Variants in VWA3A observed in about 807,000 individuals in gnomAD.
VWA3A encodes von Willebrand factor A domain containing 3A.
Under a neutral mutation model 160.4 loss-of-function variants are expected in VWA3A, and 134 were observed. The ratio of observed to expected loss-of-function variants is 0.84; its 90% CI spans 0.73 to 0.96. The LOEUF (loss-of-function observed/expected upper bound fraction) is 0.96, where lower values mean the gene tolerates loss of function less well. Among genes scored for constraint, VWA3A ranks in the 40% least tolerant of loss-of-function variants. The probability of loss-of-function intolerance (pLI) is 0.00; values close to 1 mark genes in which losing one functional copy is unlikely to be tolerated. For missense variants in VWA3A, 1,310 were observed against 1,447.9 expected (o/e 0.90, Z 1.55); for synonymous variants, 476 against 543.4 (o/e 0.88, Z 1.72).
At chr16:22,148,433 T>C in intron 28 of VWA3A, 127 bp downstream of exon 28, 2 of 1,320,290 alleles carry the variant, frequency 1.5e-6, no homozygotes, top group Non-Finnish European at 2.0e-6. Context: ...AGTAACGCGT[T>C]TGAGTAGGAA....
chr16:22,095,303 A>G (rs1381999022), intron 1 of VWA3A, among the ~76,000 whole-genome samples: 1 of 152,198 alleles, frequency 6.6e-6, no homozygotes, highest in African/African-American at 2.4e-5. Context: ...GAGCAAAGAC[A>G]GCAGCACATG....
intron 21 of VWA3A, among the ~76,000 whole-genome samples, chr16:22,135,745 C>T (rs1030274061): frequency 2.0e-5 from 3 of 152,182 alleles, no homozygotes; most frequent in Admixed American, 2.0e-4. Context: ...CATCCCAGAC[C>T]TTTCATGGCT....
intron 8 of VWA3A, among the ~76,000 whole-genome samples, chr16:22,113,758 T>C (rs2045591482): frequency 6.6e-6 from 1 of 151,834 alleles, no homozygotes; most frequent in South Asian, 2.1e-4. Context: ...GCCCAGCTGA[T>C]TTTTTTAATT....
At chr16:22,117,310 A>G (rs930124342) in intron 11 of VWA3A, 134 bp downstream of exon 11, 9 of 951,356 alleles carry the variant, frequency 9.5e-6, no homozygotes, top group East Asian at 2.7e-5. Flanking sequence ...CCTGTATTCA[A>G]TGAGGTTACA....
At chr16:22,099,232 A>G (rs556794228) in intron 3 of VWA3A, among the ~76,000 whole-genome samples, 26 of 152,254 alleles carry the variant, frequency 1.7e-4, no homozygotes, top group Admixed American at 1.6e-3. Flanking sequence ...GGGACCTATG[A>G]TTTTAGGTGC....
intron 8 of VWA3A, 147 bp downstream of exon 8, chr16:22,111,141 A>G: frequency 1.5e-6 from 1 of 658,508 alleles, no homozygotes; most frequent in Non-Finnish European, 2.4e-6. Flanking sequence ...AGCAGAAACA[A>G]TTTTTGGAAA....
intron 9 of VWA3A, chr16:22,116,425 AAGAGAGAGGAAGAG>A: frequency 2.2e-6 from 1 of 445,222 alleles, no homozygotes; most frequent in African/African-American, 2.1e-5. Context: ...GGAAAAAGGA[AAGAGAGAGGAAGAG>A]AGAGAGAGGA....
intron 24 of VWA3A, among the ~76,000 whole-genome samples, chr16:22,142,103 A>G (rs1383973999): frequency 1.3e-5 from 2 of 152,038 alleles, no homozygotes; most frequent in East Asian, 3.9e-4. Flanking sequence ...CCATCCACCC[A>G]ACAGCTCCCT....
At chr16:22,138,305 G>GTA in intron 21 of VWA3A, 55 bp from the exon 22 acceptor site, 2 of 1,531,706 alleles carry the variant, frequency 1.3e-6, no homozygotes, top group Middle Eastern at 1.7e-4. Context: ...GTGTGTGTGT[G>GTA]TGTGTGTGTC....
chr16:22,127,089 G>T (rs1310992966), intron 17 of VWA3A, among the ~76,000 whole-genome samples: 2 of 149,974 alleles, frequency 1.3e-5, no homozygotes, highest in African/African-American at 4.9e-5. Flanking sequence ...TACATATCTA[G>T]CATTTTTAAT....
At chr16:22,096,997 G>A (rs1232235325) in intron 2 of VWA3A, 52 bp downstream of exon 2, 24 of 1,192,766 alleles carry the variant, frequency 2.0e-5, no homozygotes, top group Admixed American at 7.1e-5. Context: ...GCAGATTCTC[G>A]CACTGTCTCC....
intron 24 of VWA3A, 40 bp downstream of exon 24, chr16:22,141,732 G>T (rs538248523): frequency 2.6e-6 from 4 of 1,540,798 alleles, no homozygotes; most frequent in Non-Finnish European, 3.5e-6. Flanking sequence ...CAGCCCCCTG[G>T]CCCTGGGGGA....
chr16:22,148,205 C>T lies in VWA3A; in HGVS notation c.2883C>T (p.Cys961=), dbSNP rs371784634. 10 of 1,603,034 alleles carry T rather than the reference C, an allele frequency of 6.2e-6. No individual in the cohort carries two copies. The highest frequency in any genetic ancestry group is 1.6e-4 in the Middle Eastern group (1 of 6,074). The change falls in exon 28 of 34, where the codon TGC becomes TGT. Residue 961 remains cysteine, a synonymous_variant. Coordinates refer to ENST00000389398, the MANE Select transcript of VWA3A (RefSeq NM_173615.5). ...GCACCGTTTTGGAGAGCAAAGTATG[C>T]ATATTGCTGGACACGTCAGGGTCCA... The part of the protein sequence containing the change: ...LFGTVLESKV[C]ILLDTSGSMG...
chr16:22,129,402 A>AGAAAGAAAGAAAGAAAGAAAG (rs386364808), intron 17 of VWA3A, among the ~76,000 whole-genome samples: 45 of 118,956 alleles, frequency 3.8e-4, no homozygotes, highest in Middle Eastern at 4.6e-3. Flanking sequence ...AAAAAAAAAA[A>AGAAAGAAAGAAAGAAAGAAAG]AAAGAAAGAA....
intron 1 of VWA3A, among the ~76,000 whole-genome samples, chr16:22,093,939 A>T (rs1012520838): frequency 1.4e-5 from 2 of 141,126 alleles, no homozygotes; most frequent in African/African-American, 5.1e-5. Flanking sequence ...TAATTTTTGT[A>T]TTTTTTTTTT....
chr16:22,105,413 C>CCCTGTT (rs1181185854), intron 6 of VWA3A, among the ~76,000 whole-genome samples: 14 of 152,182 alleles, frequency 9.2e-5, no homozygotes, highest in Admixed American at 9.2e-4. Flanking sequence ...AATCGCTGGT[C>CCCTGTT]CCTGTTCCTG....
At chr16:22,155,770 G>T (rs2046430258) in intron 32 of VWA3A, 81 bp from the exon 33 acceptor site, 15 of 1,607,982 alleles carry the variant, frequency 9.3e-6, no homozygotes, top group African/African-American at 1.3e-5. Flanking sequence ...CTTGCTCCAA[G>T]GGTTCCTGCC....
At chr16:22,098,911 CAAAAAAAAAA>C (rs900328333) in intron 3 of VWA3A, among the ~76,000 whole-genome samples, 44 of 41,054 alleles carry the variant, frequency 1.1e-3, no homozygotes, top group East Asian at 2.8e-3. Flanking sequence ...CCTGTTTCCA[CAAAAAAAAAA>C]AAAAAAAAAA....
At chr16:22,095,265 T>C (rs189347317) in intron 1 of VWA3A, among the ~76,000 whole-genome samples, 100 of 152,196 alleles carry the variant, frequency 6.6e-4, no homozygotes, top group Non-Finnish European at 1.3e-3. Flanking sequence ...TCAAGATGAT[T>C]AGGGTAGGGG....
Sources: gnomAD v4.1 joint callset for allele counts (sites outside exome capture counted in the v4.1 genomes callset) on GRCh38, gnomAD v4.1.1 for gene constraint, MANE v1.5 for transcripts, NCBI Gene and HGNC (gene_info 2026-07-23, HGNC 2026-07-21) for gene names.